Variants in MACO1 observed in about 807,000 individuals in gnomAD.
MACO1 encodes the protein macoilin.
MACO1 carries 14 observed loss-of-function variants against 78.7 expected under a neutral mutation model. The ratio of observed to expected loss-of-function variants is 0.18; its 90% CI spans 0.12 to 0.28. The LOEUF (loss-of-function observed/expected upper bound fraction) is 0.28, where lower values mean the gene tolerates loss of function less well. Ranked by LOEUF, MACO1 falls within the 10% of genes least tolerant of loss-of-function variation. The pLI is 1.00. For missense variants in MACO1, 501 were observed against 799.0 expected (o/e 0.63, Z 4.50); for synonymous variants, 288 against 291.6 (o/e 0.99, Z 0.12).
At chr1:25,491,319 A>G in intron 9 of MACO1, 91 bp from the exon 10 acceptor site, 1 of 1,553,842 alleles carries the variant, frequency 6.4e-7, no homozygotes, top group East Asian at 2.3e-5. Flanking sequence ...CAGACCAAGA[A>G]TAGTGGGATT....
intron 3 of MACO1, among the ~76,000 whole-genome samples, chr1:25,453,659 T>TAAA (rs1488009597): frequency 1.8e-5 from 1 of 55,522 alleles, no homozygotes; most frequent in Admixed American, 2.3e-4. Flanking sequence ...TGAGACTCCC[T>TAAA]CAAAAAAAAA....
chr1:25,481,198 T>A (rs1442860276), intron 6 of MACO1, among the ~76,000 whole-genome samples: 1 of 152,122 alleles, frequency 6.6e-6, no homozygotes, highest in African/African-American at 2.4e-5. Context: ...TTAATTTTTC[T>A]TTCATTCCCA....
At position 25,438,724 on chromosome 1, in the gene MACO1, G is replaced by A. The variant is rs541917519; in HGVS notation, c.80+7546G>A. Reference sequence around the variant, plus strand: ...TCAAGACCAGCCTGGCCAACGTGGCGAAACCCCGTCTCTACTAAAAATATA... The same window carrying A: ...TCAAGACCAGCCTGGCCAACGTGGCAAAACCCCGTCTCTACTAAAAATATA... On this transcript the variant is annotated intron_variant, in intron 1 of 10. Coordinates refer to ENST00000374343, the MANE Select transcript of MACO1 (RefSeq NM_018202.6). 9.7e-4 allele frequency among the ~76,000 whole-genome samples: 148 copies of A among 152,206 alleles called. 1 individual carries two copies. The South Asian group carries it at 0.017, about 17-fold the overall frequency.
intron 3 of MACO1, among the ~76,000 whole-genome samples, chr1:25,450,539 T>G (rs2043056471): frequency 6.6e-6 from 1 of 152,164 alleles, no homozygotes; most frequent in African/African-American, 2.4e-5. Flanking sequence ...GAGCACCAAA[T>G]AATAATAAAA....
intron 6 of MACO1, among the ~76,000 whole-genome samples, chr1:25,459,335 TTTGTTTTTCTGC>T (rs1200077439): frequency 6.6e-6 from 1 of 152,162 alleles, no homozygotes; most frequent in Non-Finnish European, 1.5e-5. Context: ...TGTTTTTCTG[TTTGTTTTTCTGC>T]ACTTAGAATA....
intron 6 of MACO1, among the ~76,000 whole-genome samples, chr1:25,477,438 G>A (rs1180184268): frequency 1.3e-5 from 2 of 152,182 alleles, no homozygotes; most frequent in Non-Finnish European, 2.9e-5. Flanking sequence ...CTCCTACAGA[G>A]CAAGCAGCAG....
rs6690883 is a variant in MACO1 at position 25,435,567 on chromosome 1, T to C, written c.80+4389T>C. The stretch of plus-strand genomic sequence containing the variant: ...TTTCTAAGCCTAGTTTTAGACTCCT[T>C]TGGGCTATGCTTATTAAAGTCACTG... On this transcript the variant is annotated intron_variant, in intron 1 of 10. Coordinates refer to ENST00000374343, the MANE Select transcript of MACO1 (RefSeq NM_018202.6). Among the ~76,000 whole-genome samples the C allele has an allele frequency of 5.3e-3, 803 of 152,294 alleles. 5 individuals are homozygous for C. The highest frequency in any genetic ancestry group is 0.018 in the African/African-American group (763 of 41,552).
chr1:25,440,436 G>C lies in MACO1; in HGVS notation c.81-6326G>C, dbSNP rs1366664345. Among the ~76,000 whole-genome samples the C allele has an allele frequency of 4.7e-5, 7 of 149,378 alleles. No individual in the cohort carries two copies. In the East Asian group the frequency reaches 1.4e-3, roughly 29 times the overall value. On this transcript the variant is annotated intron_variant, in intron 1 of 10. Transcript: ENST00000374343. ...AAAAAAAAAAAGAAGAAAGAAAAAA[G>C]TTAAAATAGAAAAATTTAAAACATT...
intron 1 of MACO1, among the ~76,000 whole-genome samples, chr1:25,446,295 CAG>C (rs1046955196): frequency 1.3e-5 from 2 of 152,094 alleles, no homozygotes; most frequent in Non-Finnish European, 1.5e-5. Flanking sequence ...GAAAAAAAGA[CAG>C]AATTCTTTAA....
At chr1:25,460,818 A>G (rs2043164111) in intron 6 of MACO1, among the ~76,000 whole-genome samples, 1 of 152,074 alleles carries the variant, frequency 6.6e-6, no homozygotes, top group African/African-American at 2.4e-5. Context: ...GTGGTCACTA[A>G]TGCGTACTCT....
intron 1 of MACO1, among the ~76,000 whole-genome samples, chr1:25,431,573 G>A (rs1222715788): frequency 2.6e-5 from 4 of 152,048 alleles, no homozygotes; most frequent in African/African-American, 7.2e-5. Flanking sequence ...GAGCCCCCCG[G>A]TGGCCTGGGG....
chr1:25,464,893 TG>T (rs1232143812), intron 6 of MACO1, among the ~76,000 whole-genome samples: 2 of 152,048 alleles, frequency 1.3e-5, no homozygotes, highest in African/African-American at 4.8e-5. Flanking sequence ...CAGCTGGTCT[TG>T]AACTCCTGAC....
At position 25,500,087 on chromosome 1, in the gene MACO1, T is replaced by A. The variant is rs1018888437; in HGVS notation, c.*1621T>A. The A allele has an allele frequency of 2.0e-5, 3 of 152,196 alleles. No individual in the cohort carries two copies. Among genetic ancestry groups the A allele is most frequent in the Non-Finnish European group, 4.4e-5 (3 of 68,036 alleles). The allele number at this position is 152,196 out of a possible 1,614,324, so 9.4% of individuals were successfully genotyped here. A position where few individuals can be genotyped will look rare whatever the true frequency, so the allele number is the denominator to read the frequency against. On this transcript the variant is annotated 3_prime_UTR_variant, in exon 11 of 11. Transcript: ENST00000374343. ...AAACATGGAAAATTGTCACTGACTTTGTTTTGAGGTTTCCCCCATTTTGCT... is the reference window on the plus strand; with the variant it reads ...AAACATGGAAAATTGTCACTGACTTAGTTTTGAGGTTTCCCCCATTTTGCT...
chr1:25,481,046 C>A (rs1482513122), intron 6 of MACO1, among the ~76,000 whole-genome samples: 1 of 144,880 alleles, frequency 6.9e-6, no homozygotes, highest in Non-Finnish European at 1.5e-5. Flanking sequence ...ACTGCATTAG[C>A]TCATTGGATT....
intron 8 of MACO1, among the ~76,000 whole-genome samples, chr1:25,488,338 C>T (rs1176471340): frequency 6.6e-6 from 1 of 152,124 alleles, no homozygotes; most frequent in Non-Finnish European, 1.5e-5. Context: ...GCATGAGCCA[C>T]CATGCCCAGC....
In MACO1 at chr1:25,456,633, C is replaced by T; in HGVS notation, c.474-20C>T. The T allele has an allele frequency of 1.9e-6, 3 of 1,605,880 alleles. No homozygotes were observed. Among genetic ancestry groups the T allele is most frequent in the Non-Finnish European group, 2.5e-6 (3 of 1,177,486 alleles). Reference sequence around the variant, plus strand: ...TTCATTTTAAACCTACAATTACTGGCTGGATTGTCTTCTTTCTAGTATTGG... The same window carrying T: ...TTCATTTTAAACCTACAATTACTGGTTGGATTGTCTTCTTTCTAGTATTGG... On this transcript the variant is annotated intron_variant, in intron 4 of 10. Transcript: ENST00000374343.
At chr1:25,465,911 T>G (rs1438821575) in intron 6 of MACO1, among the ~76,000 whole-genome samples, 1 of 152,234 alleles carries the variant, frequency 6.6e-6, no homozygotes, top group Non-Finnish European at 1.5e-5. Flanking sequence ...ATGACCTCCA[T>G]TTCTACCCAT....
At chr1:25,466,426 G>A (rs978804763) in intron 6 of MACO1, among the ~76,000 whole-genome samples, 3 of 152,308 alleles carry the variant, frequency 2.0e-5, no homozygotes, top group Non-Finnish European at 4.4e-5. Context: ...TGATTCTCGT[G>A]CCTCAGCCTC....
chr1:25,431,299 A>C (rs1204202637), intron 1 of MACO1, 121 bp downstream of exon 1: 12 of 518,746 alleles, frequency 2.3e-5, no homozygotes, highest in Non-Finnish European at 2.6e-5. Context: ...GGCTCTCCTA[A>C]GGAGCGCTGG....
Sources: gnomAD v4.1 joint callset for allele counts (sites outside exome capture counted in the v4.1 genomes callset) on GRCh38, gnomAD v4.1.1 for gene constraint, MANE v1.5 for transcripts, NCBI Gene and HGNC (gene_info 2026-07-23, HGNC 2026-07-21) for gene names.